RELN: variants seen among roughly 807,000 people sequenced by gnomAD.
RELN encodes the protein reelin.
RELN carries 108 observed loss-of-function variants against 427.6 expected under a neutral mutation model. That is an observed-to-expected ratio of 0.25 (90% CI 0.22 to 0.30). The LOEUF (loss-of-function observed/expected upper bound fraction) is 0.30. Ranked by LOEUF, RELN falls within the 10% of genes least tolerant of loss-of-function variation. RELN has a pLI of 1.00. For synonymous variants in RELN, 1,524 were observed against 1,513.4 expected (o/e 1.01, Z -0.16); for missense variants, 3,715 against 4,302.8 (o/e 0.86, Z 3.82).
chr7:103,942,153 T>G (rs1461466567), intron 1 of RELN, among the ~76,000 whole-genome samples: 1 of 152,164 alleles, frequency 6.6e-6, no homozygotes, highest in African/African-American at 2.4e-5. Flanking sequence ...AATTTTGTGG[T>G]GAGAACATTT....
intron 6 of RELN, among the ~76,000 whole-genome samples, chr7:103,749,110 C>T (rs1187373853): frequency 6.6e-6 from 1 of 151,984 alleles, no homozygotes. Context: ...AACCATTTCC[C>T]TTCTTTGCTT....
chr7:103,576,596 T>C (rs945890204), intron 28 of RELN, among the ~76,000 whole-genome samples: 3 of 152,244 alleles, frequency 2.0e-5, no homozygotes, highest in African/African-American at 7.2e-5. Flanking sequence ...TGTTTGGGAA[T>C]GTTTGAAACA....
At chr7:103,687,705 C>T (rs1265697122) in intron 10 of RELN, among the ~76,000 whole-genome samples, 1 of 152,040 alleles carries the variant, frequency 6.6e-6, no homozygotes, top group Non-Finnish European at 1.5e-5. Flanking sequence ...ATAAATTTCA[C>T]CTACTGAATA....
At chr7:103,875,055 A>T (rs532946308) in intron 2 of RELN, among the ~76,000 whole-genome samples, 10 of 145,768 alleles carry the variant, frequency 6.9e-5, no homozygotes, top group African/African-American at 2.0e-4. Flanking sequence ...ATAACGCCGC[A>T]TACCTACAAC....
At chr7:103,690,546 A>G (rs780309724) in intron 10 of RELN, among the ~76,000 whole-genome samples, 1 of 152,128 alleles carries the variant, frequency 6.6e-6, no homozygotes, top group East Asian at 1.9e-4. Flanking sequence ...CAGCTGGAAA[A>G]AAATACTTGA....
At chr7:103,958,457 T>C (rs994530827) in intron 1 of RELN, among the ~76,000 whole-genome samples, 2 of 152,200 alleles carry the variant, frequency 1.3e-5, no homozygotes. Flanking sequence ...AGCAGCTTCA[T>C]AGGTAGTTTT....
At chr7:103,848,911 T>C (rs763161683) in intron 2 of RELN, among the ~76,000 whole-genome samples, 6 of 152,196 alleles carry the variant, frequency 3.9e-5, no homozygotes, top group Non-Finnish European at 5.9e-5. Context: ...TTACCTTGAA[T>C]GAGCATTCTG....
intron 2 of RELN, among the ~76,000 whole-genome samples, chr7:103,909,252 G>C (rs530791293): frequency 6.6e-6 from 1 of 152,010 alleles, no homozygotes; most frequent in Non-Finnish European, 1.5e-5. Flanking sequence ...GGGCCTTGGC[G>C]ATAATTAGCA....
Position 103,793,923 on chromosome 7 carries a change from C to T in RELN, c.474-17296G>A, listed in dbSNP as rs191836907. Among the ~76,000 whole-genome samples the T allele has an allele frequency of 3.5e-3, 532 of 152,096 alleles. 16 individuals carry two copies. The highest frequency in any genetic ancestry group is 0.033 in the Admixed American group (505 of 15,274). ...CTGGAACTACAGGTGCACACCCATA[C>T]GCCCGGCTAATTTTTGTACTTTTAG... On this transcript the variant is annotated intron_variant, in intron 3 of 64. Coordinates refer to ENST00000428762, the MANE Select transcript of RELN (RefSeq NM_005045.4).
chr7:103,938,391 T>C (rs1418025111), intron 1 of RELN, among the ~76,000 whole-genome samples: 1 of 152,226 alleles, frequency 6.6e-6, no homozygotes, highest in African/African-American at 2.4e-5. Context: ...CTCTAAAGAC[T>C]GAGAAACAAC....
intron 1 of RELN, among the ~76,000 whole-genome samples, chr7:103,969,727 T>C (rs1420461897): frequency 6.6e-6 from 1 of 152,232 alleles, no homozygotes; most frequent in Admixed American, 6.5e-5. Flanking sequence ...AGTTTCTCCA[T>C]GCATAATACT....
intron 2 of RELN, among the ~76,000 whole-genome samples, chr7:103,849,447 A>G (rs1793761122): frequency 1.3e-5 from 2 of 152,166 alleles, no homozygotes; most frequent in Non-Finnish European, 2.9e-5. Flanking sequence ...GAAATTCTCA[A>G]CACAGCCATC....
chr7:103,576,140 A>G (rs184456046), intron 28 of RELN, among the ~76,000 whole-genome samples: 252 of 152,272 alleles, frequency 1.7e-3, no homozygotes, highest in Non-Finnish European at 2.4e-3. Context: ...CTGAGGCAGG[A>G]GAATTGCTTC....
rs960612591 is a variant in RELN, at chr7:103,627,197, A to G, written c.2702+2743T>C. 2.0e-5 allele frequency among the ~76,000 whole-genome samples: 3 copies of G among 152,118 alleles called. No homozygotes were observed. The South Asian group carries it at 6.2e-4, about 32-fold the overall frequency. On this transcript the variant is annotated intron_variant, in intron 20 of 64. Transcript: ENST00000428762. ...ATATTTCAAAATTTCCCTTGAGAGA[A>G]AAAAGGTCATTGAAGGGCAGAGACT...
intron 25 of RELN, among the ~76,000 whole-genome samples, chr7:103,596,223 T>C (rs1831533955): frequency 6.6e-6 from 1 of 152,200 alleles, no homozygotes; most frequent in Non-Finnish European, 1.5e-5. Flanking sequence ...TATCTTGCTT[T>C]TCTTCTAGTC....
At position 103,924,085 on chromosome 7, in the gene RELN, C is replaced by T. The variant is rs73715904; in HGVS notation, c.227-6900G>A. ...CATGTTCCCCAACCTGAACGGACTG[C>T]AGTAAGTAGAGCAGCCTCTATCTCG... is the stretch of plus-strand genomic sequence containing the variant. On this transcript the variant is annotated intron_variant, in intron 1 of 64. Transcript: ENST00000428762. Among the ~76,000 whole-genome samples the T allele has an allele frequency of 1.2e-3, 189 of 152,184 alleles. 1 individual carries two copies. Among genetic ancestry groups the T allele is most frequent in the African/African-American group, 4.3e-3 (178 of 41,510 alleles).
intron 1 of RELN, among the ~76,000 whole-genome samples, chr7:103,948,958 T>A (rs927999477): frequency 2.8e-5 from 4 of 144,264 alleles, no homozygotes; most frequent in African/African-American, 8.0e-5. Context: ...AATACTGCAA[T>A]GAGCCTCGGC....
At chr7:103,491,620 G>A (rs1026471884) in intron 58 of RELN, among the ~76,000 whole-genome samples, 4 of 151,730 alleles carry the variant, frequency 2.6e-5, no homozygotes, top group Non-Finnish European at 4.4e-5. Context: ...ACCTGAGGTC[G>A]GGAGTTCAAG....
chr7:103,723,323 T>C, intron 7 of RELN, 132 bp from the exon 8 acceptor site: 1 of 672,436 alleles, frequency 1.5e-6, no homozygotes. Context: ...AAGTTGCATT[T>C]ATCCAGTTGT....
Sources: gnomAD v4.1 joint callset for allele counts (sites outside exome capture counted in the v4.1 genomes callset) on GRCh38, gnomAD v4.1.1 for gene constraint, MANE v1.5 for transcripts, NCBI Gene and HGNC (gene_info 2026-07-23, HGNC 2026-07-21) for gene names.